Variants in PIK3C3 observed in about 807,000 individuals in gnomAD.
PIK3C3 encodes phosphatidylinositol 3-kinase catalytic subunit type 3.
PIK3C3 carries 95 observed loss-of-function variants against 126.1 expected under a neutral mutation model. That is an observed-to-expected ratio of 0.75 (90% CI 0.64 to 0.89). The LOEUF (loss-of-function observed/expected upper bound fraction) is 0.89, where lower values mean the gene tolerates loss of function less well. Ranked by LOEUF, PIK3C3 falls within the 40% of genes least tolerant of loss-of-function variation. PIK3C3 has a pLI of 0.00. For missense variants in PIK3C3, 829 were observed against 1,063.2 expected, an observed-to-expected ratio of 0.78 and a Z score of 3.06; for synonymous variants, 374 against 360.0, an observed-to-expected ratio of 1.04 and a Z score of -0.44.
chr18:42,087,604 A>C lies in PIK3C3; in HGVS notation c.*6467A>C, dbSNP rs1986424266. ...AATGATTTGGAGCTTCTTTTCATTAAAGAAAAAAGCCTTACCGAGGACTCC... is the reference window on the plus strand; with the variant it reads ...AATGATTTGGAGCTTCTTTTCATTACAGAAAAAAGCCTTACCGAGGACTCC... On this transcript the variant is annotated 3_prime_UTR_variant, in exon 25 of 25. Coordinates refer to ENST00000262039, the MANE Select transcript of PIK3C3 (RefSeq NM_002647.4). The C allele has an allele frequency of 6.6e-6, 1 of 152,204 alleles. No homozygotes were observed. The highest frequency in any genetic ancestry group is 1.5e-5 in the Non-Finnish European group (1 of 68,032). The allele number at this position is 152,204 out of a possible 1,614,324, so 9.4% of individuals were successfully genotyped here. A position where few individuals can be genotyped will look rare whatever the true frequency, so the allele number is the denominator to read the frequency against.
intron 5 of PIK3C3, among the ~76,000 whole-genome samples, chr18:41,988,600 A>G (rs1413587434): frequency 6.6e-6 from 1 of 152,184 alleles, no homozygotes; most frequent in Non-Finnish European, 1.5e-5. Context: ...ATAAGGCACA[A>G]CTTACTTAAT....
intron 12 of PIK3C3, 132 bp from the exon 13 acceptor site, chr18:42,020,506 G>C (rs1419507488): frequency 1.7e-6 from 1 of 596,192 alleles, no homozygotes; most frequent in Non-Finnish European, 3.0e-6. Flanking sequence ...TGTAAGGATA[G>C]ATAAATGGCA....
At chr18:42,048,563 G>A (rs186262369) in intron 20 of PIK3C3, among the ~76,000 whole-genome samples, 120 of 152,248 alleles carry the variant, frequency 7.9e-4, no homozygotes, top group African/African-American at 2.6e-3. Context: ...TGATGAATAT[G>A]ATATGCCTAG....
intron 24 of PIK3C3, among the ~76,000 whole-genome samples, chr18:42,073,689 A>T (rs1288970665): frequency 6.6e-6 from 1 of 151,228 alleles, no homozygotes; most frequent in East Asian, 1.9e-4. Context: ...CATGTCTCTT[A>T]TGTGCTGCCT....
chr18:42,024,831 T>G (rs1334706735), intron 13 of PIK3C3, among the ~76,000 whole-genome samples: 1 of 150,528 alleles, frequency 6.6e-6, no homozygotes. Context: ...TGAGATGGAG[T>G]CTTGCTCTGT....
chr18:42,064,868 A>G (rs533842696), intron 23 of PIK3C3, 38 bp downstream of exon 23: 90 of 1,117,260 alleles, frequency 8.1e-5, no homozygotes, highest in Non-Finnish European at 1.1e-4. Context: ...GCTCTTCTGT[A>G]TAATTTTTCC....
At chr18:42,064,565 A>C in intron 22 of PIK3C3, 175 bp from the exon 23 acceptor site, 2 of 550,122 alleles carry the variant, frequency 3.6e-6, no homozygotes, top group Non-Finnish European at 6.6e-6. Context: ...AGACCCCAAA[A>C]TAAAATATTT....
chr18:41,967,791 T>C (rs1260139088), intron 3 of PIK3C3, among the ~76,000 whole-genome samples: 1 of 152,230 alleles, frequency 6.6e-6, no homozygotes, highest in African/African-American at 2.4e-5. Flanking sequence ...CTCTTGCAGT[T>C]GTTTTTTCTA....
chr18:42,031,606 G>T (rs887897236), intron 15 of PIK3C3, among the ~76,000 whole-genome samples: 3 of 151,900 alleles, frequency 2.0e-5, no homozygotes, highest in African/African-American at 7.3e-5. Flanking sequence ...TAGTAAAGAT[G>T]GGGGGGTTTC....
At chr18:41,959,590 G>A (rs969231348) in intron 2 of PIK3C3, among the ~76,000 whole-genome samples, 5 of 152,210 alleles carry the variant, frequency 3.3e-5, no homozygotes, top group Middle Eastern at 3.4e-3. Flanking sequence ...TTGAGGTCAG[G>A]AGTTCAAGAC....
chr18:42,015,414 T>A (rs1202047305), intron 11 of PIK3C3, 62 bp from the exon 12 acceptor site: 1 of 1,239,120 alleles, frequency 8.1e-7, no homozygotes, highest in Admixed American at 1.7e-5. Context: ...CATAAAAAAT[T>A]GTGCGTTCTC....
intron 5 of PIK3C3, among the ~76,000 whole-genome samples, chr18:41,988,449 A>G (rs1320938686): frequency 1.3e-5 from 2 of 152,158 alleles, no homozygotes; most frequent in African/African-American, 4.8e-5. Context: ...TAACAAGAAT[A>G]GTTTACTTTT....
At chr18:42,015,589 T>G in intron 12 of PIK3C3, 23 bp downstream of exon 12, 1 of 1,547,680 alleles carries the variant, frequency 6.5e-7, no homozygotes, top group Non-Finnish European at 8.9e-7. Flanking sequence ...CTTTTCCAGC[T>G]TCCTATAGGA....
At chr18:42,020,548 A>G (rs1388159574) in intron 12 of PIK3C3, 90 bp from the exon 13 acceptor site, 3 of 776,698 alleles carry the variant, frequency 3.9e-6, no homozygotes, top group East Asian at 2.7e-5. Context: ...AGATATACAG[A>G]TGAAAACTGA....
chr18:42,071,235 T>C (rs1294095036), intron 24 of PIK3C3, among the ~76,000 whole-genome samples: 1 of 152,212 alleles, frequency 6.6e-6, no homozygotes, highest in Non-Finnish European at 1.5e-5. Context: ...TAGATGAACT[T>C]TTTAAATATC....
chr18:42,005,010 T>C (rs1272151075), intron 10 of PIK3C3, among the ~76,000 whole-genome samples: 1 of 152,216 alleles, frequency 6.6e-6, no homozygotes, highest in Non-Finnish European at 1.5e-5. Flanking sequence ...TTTTAAACTT[T>C]CAGCTGATGA....
chr18:42,061,541 C>T (rs1273961670), intron 22 of PIK3C3, among the ~76,000 whole-genome samples: 1 of 152,028 alleles, frequency 6.6e-6, no homozygotes, highest in African/African-American at 2.4e-5. Context: ...GAGATCGTGC[C>T]ACTGCACGCT....
rs186167585 is a variant in PIK3C3 at position 42,068,666 on chromosome 18, C to T, written c.2649+1153C>T. 8.3e-4 allele frequency among the ~76,000 whole-genome samples: 126 copies of T among 151,996 alleles called. No individual in the cohort carries two copies. The East Asian group carries it at 0.02, about 24-fold the overall frequency. On this transcript the variant is annotated intron_variant, in intron 24 of 24. Transcript: ENST00000262039. ...TTTTTATTATAGATATTTAGATTCC[C>T]GGGGCCAGGCGCGGTGGCTCACGCC... is the stretch of plus-strand genomic sequence containing the variant.
At chr18:42,064,971 T>C in intron 23 of PIK3C3, 141 bp downstream of exon 23, 1 of 549,100 alleles carries the variant, frequency 1.8e-6, no homozygotes. Flanking sequence ...GGTTCTCTCA[T>C]CTGGAGAGAC....
Sources: allele counts gnomAD v4.1 joint callset (sites outside exome capture counted in the v4.1 genomes callset), GRCh38; gene constraint gnomAD v4.1.1; transcripts MANE v1.5; gene names NCBI Gene and HGNC (gene_info 2026-07-23, HGNC 2026-07-21).